The following KDELR1 variants were observed in gnomAD, a reference collection of about 807,000 sequenced individuals.
KDELR1 encodes the protein KDEL endoplasmic reticulum protein retention receptor 1.
Under a neutral mutation model 25.5 loss-of-function variants are expected in KDELR1, and 16 were observed. The observed-to-expected ratio is 0.63, with a 90% CI of 0.43 to 0.95. KDELR1 has a LOEUF of 0.95. Ranked by LOEUF, KDELR1 falls within the 40% of genes least tolerant of loss-of-function variation. KDELR1 has a pLI of 0.00. For synonymous variants in KDELR1, 121 were observed against 115.0 expected, an observed-to-expected ratio of 1.05 and a Z score of -0.33; for missense variants, 159 against 265.2, an observed-to-expected ratio of 0.60 and a Z score of 2.78.
chr19:48,388,226 G>T (rs1375267380), intron 3 of KDELR1, among the ~76,000 whole-genome samples: 2 of 152,156 alleles, frequency 1.3e-5, no homozygotes, highest in African/African-American at 4.8e-5. Flanking sequence ...TAGAGGCAGG[G>T]TCCAAATCCT....
chr19:48,391,616 G>C (rs978801122), upstream of KDELR1: 1 of 495,996 alleles, frequency 2.0e-6, no homozygotes, highest in Non-Finnish European at 3.6e-6. Flanking sequence ...GCGGGGCCTG[G>C]ATCCCCGGCG....
At chr19:48,395,135 G>A (rs1163250199), upstream of KDELR1, among the ~76,000 whole-genome samples, 1 of 151,388 alleles carries the variant, frequency 6.6e-6, no homozygotes, top group Non-Finnish European at 1.5e-5. Context: ...CCTTTTTCCT[G>A]AGTCCCTACA....
chr19:48,397,024 G>C, the KDELR1 span, among the ~76,000 whole-genome samples: 1 of 152,072 alleles, frequency 6.6e-6, no homozygotes, highest in Non-Finnish European at 1.5e-5. Context: ...TTCAACAGGG[G>C]GCACAGGAAG....
Position 48,383,429 on chromosome 19 carries a change from T to C in KDELR1, c.605-102A>G. On this transcript the variant is annotated intron_variant, in intron 4 of 4. Transcript: ENST00000330720. ...AGGGCAGGCACGCTAGATGGGCAGA[T>C]CCACAGGGAGGGAGGTCCCCCAGGA... 2.9e-6 allele frequency: 3 copies of C among 1,025,492 alleles called. No individual in the cohort carries two copies. In the South Asian group the frequency reaches 4.1e-5, roughly 14 times the overall value. 63.5% of individuals were successfully genotyped at this position (1,025,492 alleles called of 1,614,324 possible).
intron 4 of KDELR1, 88 bp from the exon 5 acceptor site, chr19:48,383,415 G>T: frequency 2.5e-6 from 3 of 1,182,242 alleles, no homozygotes; most frequent in South Asian, 1.3e-5. Flanking sequence ...GGGCAGGCAC[G>T]CTAGATGGGC....
In KDELR1 at chr19:48,389,731, G is replaced by T; in HGVS notation, c.193-20C>A. 2 of 1,613,364 alleles carry T rather than the reference G, an allele frequency of 1.2e-6. No individual in the cohort carries two copies. Among genetic ancestry groups the T allele is most frequent in the Non-Finnish European group, 1.7e-6 (2 of 1,179,754 alleles). On this transcript the variant is annotated intron_variant, in intron 2 of 4. Coordinates refer to ENST00000330720, the MANE Select transcript of KDELR1 (RefSeq NM_006801.3). ...GACCACCTGAGGAGGGGGATGATGAGAAGGGGCCTCAACTCACAGGCCTGT... is the reference window on the plus strand; with the variant it reads ...GACCACCTGAGGAGGGGGATGATGATAAGGGGCCTCAACTCACAGGCCTGT...
At chr19:48,383,462 A>G in intron 4 of KDELR1, 135 bp from the exon 5 acceptor site, 1 of 732,502 alleles carries the variant, frequency 1.4e-6, no homozygotes, top group Non-Finnish European at 2.4e-6. Flanking sequence ...GGACTCACAG[A>G]TACATTCCTG....
upstream of KDELR1, among the ~76,000 whole-genome samples, chr19:48,392,953 T>C (rs1970578967): frequency 6.6e-6 from 1 of 152,186 alleles, no homozygotes; most frequent in Non-Finnish European, 1.5e-5. Flanking sequence ...CCTGCATCTA[T>C]GAGGGGACAG....
intron 3 of KDELR1, among the ~76,000 whole-genome samples, chr19:48,385,962 A>G (rs747369442): frequency 6.6e-6 from 1 of 152,156 alleles, no homozygotes; most frequent in Non-Finnish European, 1.5e-5. Flanking sequence ...AGAATCATCC[A>G]GAATCCTCCA....
In KDELR1 at chr19:48,389,544, G is replaced by A. The variant is rs750134659; in HGVS notation, c.351+9C>T. On this transcript the variant is annotated intron_variant, in intron 3 of 4. Transcript: ENST00000330720. ...CCCCCCAAATAAGGAGTCACAGCAA[G>A]GCGCCTACCTCCAGAGGGGTGAAGT... 1.3e-5 allele frequency: 21 copies of A among 1,613,956 alleles called. 1 individual carries two copies. The South Asian group carries it at 2.1e-4, about 16-fold the overall frequency.
chr19:48,383,344 C>T lies in KDELR1; in HGVS notation c.605-17G>A, dbSNP rs1323806171. 6.4e-7 allele frequency: 1 copy of T among 1,551,524 alleles called. No individual in the cohort carries two copies. Among genetic ancestry groups the T allele is most frequent in the Non-Finnish European group, 8.7e-7 (1 of 1,147,012 alleles). ...CCTTTAGGACTGTGAGGAGAGAAAA[C>T]AGGGAGGGCATTACCGCTGGGGCCC... is the stretch of plus-strand genomic sequence containing the variant. On this transcript the variant is annotated splice_polypyrimidine_tract_variant and intron_variant, in intron 4 of 4. Coordinates refer to ENST00000330720, the MANE Select transcript of KDELR1 (RefSeq NM_006801.3).
chr19:48,384,488 G>C lies in KDELR1; in HGVS notation c.352-6C>G. On this transcript the variant is annotated splice_region_variant and splice_polypyrimidine_tract_variant and intron_variant, in intron 3 of 4. Transcript: ENST00000330720. This position sits in a 1 kb window ranked among gnomAD's most constrained non-coding sequence, Gnocchi z 4.6. ...ATGGAGAAGGTCCAGAGGATCTGCAGAGAGGCCGGGGACATGATGAGGTGG... is the reference window on the plus strand; with the variant it reads ...ATGGAGAAGGTCCAGAGGATCTGCACAGAGGCCGGGGACATGATGAGGTGG... 1 of 1,611,054 alleles carries C rather than the reference G, an allele frequency of 6.2e-7. No individual in the cohort carries two copies. The highest frequency in any genetic ancestry group is 8.5e-7 in the Non-Finnish European group (1 of 1,178,576).
chr19:48,394,606 C>T (rs1024329438), upstream of KDELR1, among the ~76,000 whole-genome samples: 5 of 151,930 alleles, frequency 3.3e-5, no homozygotes, highest in African/African-American at 7.3e-5. This position sits in a 1 kb window ranked among gnomAD's most constrained non-coding sequence, Gnocchi z 5.1. Flanking sequence ...GGGGTCGGGG[C>T]GGCAAGAGGA....
At position 48,383,266 on chromosome 19, in the gene KDELR1, C is replaced by T. The variant is rs867291724; in HGVS notation, c.*27G>A. On this transcript the variant is annotated 3_prime_UTR_variant, in exon 5 of 5. Transcript: ENST00000330720. Reference sequence around the variant, plus strand: ...GCCTTCCTCTGCCTCCCGCTGCTGCCGAGGAGAGAGATGGAGAGGACCGGG... The same window carrying T: ...GCCTTCCTCTGCCTCCCGCTGCTGCTGAGGAGAGAGATGGAGAGGACCGGG... 1.9e-5 allele frequency: 30 copies of T among 1,550,776 alleles called. No homozygotes were observed. Among genetic ancestry groups the T allele is most frequent in the Middle Eastern group, 3.3e-4 (2 of 6,014 alleles).
intron 1 of KDELR1, 106 bp downstream of exon 1, chr19:48,391,162 G>A (rs1433902279): frequency 1.1e-6 from 1 of 933,672 alleles, no homozygotes; most frequent in African/African-American, 1.6e-5. Flanking sequence ...AGCAGTGGGG[G>A]TGGAACCTGT....
chr19:48,395,109 TCTCC>T (rs1316650237), upstream of KDELR1, among the ~76,000 whole-genome samples: 1 of 151,468 alleles, frequency 6.6e-6, no homozygotes, highest in African/African-American at 2.4e-5. Flanking sequence ...ACCCTCTCTC[TCTCC>T]CTCTCTGAGC....
chr19:48,384,781 G>A lies in KDELR1; in HGVS notation c.352-299C>T, dbSNP rs975365377. Among the ~76,000 whole-genome samples, 2 of 152,126 alleles carry A rather than the reference G, an allele frequency of 1.3e-5. No homozygotes were observed. The highest frequency in any genetic ancestry group is 2.4e-5 in the African/African-American group (1 of 41,412). ...CCAGCAAGCAGCAGAGCAATGATTC[G>A]AACCAAGGATTCGCAGTCCGTTCTC... On this transcript the variant is annotated intron_variant, in intron 3 of 4. Coordinates refer to ENST00000330720, the MANE Select transcript of KDELR1 (RefSeq NM_006801.3). The surrounding 1 kb of genome is among the most constrained non-coding windows in gnomAD (Gnocchi z 4.6).
Position 48,384,054 on chromosome 19 carries a change from G to T in KDELR1, c.604+176C>A, listed in dbSNP as rs1224994591. Among the ~76,000 whole-genome samples, 1 of 152,196 alleles carries T rather than the reference G, an allele frequency of 6.6e-6. No homozygotes were observed. Among genetic ancestry groups the T allele is most frequent in the African/African-American group, 2.4e-5 (1 of 41,444 alleles). On this transcript the variant is annotated intron_variant, in intron 4 of 4. Transcript: ENST00000330720. This position sits in a 1 kb window ranked among gnomAD's most constrained non-coding sequence, Gnocchi z 4.6. ...ACAGAAACTCCTTAGCCCTTAGGGA[G>T]GCAGAGGCTAACGGTCTGAATTCCT...
At chr19:48,388,884 A>G (rs566775646) in intron 3 of KDELR1, among the ~76,000 whole-genome samples, 104 of 139,528 alleles carry the variant, frequency 7.5e-4, no homozygotes, top group Non-Finnish European at 1.2e-3. Context: ...AGGAAGGAAG[A>G]AAGAAAGGAA....
Sources: allele counts gnomAD v4.1 joint callset (sites outside exome capture counted in the v4.1 genomes callset), GRCh38; gene constraint gnomAD v4.1.1; non-coding constraint Gnocchi (gnomAD v3.1); transcripts MANE v1.5; gene names NCBI Gene and HGNC (gene_info 2026-07-23, HGNC 2026-07-21).